ASCC3: variants seen among roughly 807,000 people sequenced by gnomAD.
The protein encoded by ASCC3 is ASC-1 complex subunit P200.
ASCC3 carries 158 observed loss-of-function variants against 256.3 expected under a neutral mutation model. The observed-to-expected ratio is 0.62, with a 90% CI of 0.54 to 0.70. The LOEUF is 0.70. Among genes scored for constraint, ASCC3 ranks in the 30% least tolerant of loss-of-function variants. The pLI is 0.00. For synonymous variants in ASCC3, 948 were observed against 883.4 expected, an observed-to-expected ratio of 1.07 and a Z score of -1.30; for missense variants, 2,259 against 2,626.0, an observed-to-expected ratio of 0.86 and a Z score of 3.05.
chr6:100,535,657 T>C (rs1196077095), intron 37 of ASCC3, among the ~76,000 whole-genome samples: 1 of 151,916 alleles, frequency 6.6e-6, no homozygotes, highest in Admixed American at 6.6e-5. Flanking sequence ...TTAGTAGAGA[T>C]GGGGTTTCAC....
rs1779969888 is a variant in ASCC3 at position 100,732,822 on chromosome 6, A to G, written c.1738-7119T>C. The stretch of plus-strand genomic sequence containing the variant: ...CGAGTAACTGCCACTGCCACAACCT[A>G]TACCTCAAGGTCCACATTACTAATA... On this transcript the variant is annotated intron_variant, in intron 10 of 41. Coordinates refer to ENST00000369162, the MANE Select transcript of ASCC3 (RefSeq NM_006828.4). 3.3e-5 allele frequency among the ~76,000 whole-genome samples: 5 copies of G among 152,250 alleles called. No homozygotes were observed. In the South Asian group the frequency reaches 6.2e-4, roughly 19 times the overall value.
At chr6:100,774,256 C>T (rs1417002699) in intron 8 of ASCC3, among the ~76,000 whole-genome samples, 1 of 152,120 alleles carries the variant, frequency 6.6e-6, no homozygotes, top group Non-Finnish European at 1.5e-5. Context: ...CTTCTGGGGA[C>T]AAGCAATCCT....
rs1021061726 is a variant in ASCC3, at chr6:100,629,960, T to G, written c.4209-779A>C. 1.3e-4 allele frequency among the ~76,000 whole-genome samples: 20 copies of G among 152,040 alleles called. 1 individual carries two copies. Among genetic ancestry groups the G allele is most frequent in the Admixed American group, 1.1e-3 (17 of 15,248 alleles). Reference sequence around the variant, plus strand: ...TCACCAAGGCTAGAGTGTAGTGGCTTGATCTCAGCTCACTGCAACCTCCAC... The same window carrying G: ...TCACCAAGGCTAGAGTGTAGTGGCTGGATCTCAGCTCACTGCAACCTCCAC... On this transcript the variant is annotated intron_variant, in intron 26 of 41. Coordinates refer to ENST00000369162, the MANE Select transcript of ASCC3 (RefSeq NM_006828.4).
intron 29 of ASCC3, among the ~76,000 whole-genome samples, chr6:100,627,168 A>G (rs2114857626): frequency 6.6e-6 from 1 of 152,246 alleles, no homozygotes; most frequent in South Asian, 2.1e-4. Context: ...CTGTTTGCCT[A>G]ATTTGTTAGA....
intron 13 of ASCC3, among the ~76,000 whole-genome samples, chr6:100,693,894 C>T (rs889832612): frequency 2.0e-5 from 3 of 151,980 alleles, no homozygotes; most frequent in South Asian, 2.1e-4. Flanking sequence ...AAGATTAAAG[C>T]GACTGAAGTG....
At chr6:100,645,358 T>A (rs1775328144) in intron 22 of ASCC3, among the ~76,000 whole-genome samples, 1 of 151,838 alleles carries the variant, frequency 6.6e-6, no homozygotes, top group African/African-American at 2.4e-5. Context: ...AACATTATTA[T>A]TATTATAATA....
intron 20 of ASCC3, among the ~76,000 whole-genome samples, chr6:100,649,951 T>C (rs939191640): frequency 6.6e-6 from 1 of 151,626 alleles, no homozygotes; most frequent in Non-Finnish European, 1.5e-5. Context: ...CATGGTATTT[T>C]TTAAAAGTTA....
intron 36 of ASCC3, among the ~76,000 whole-genome samples, chr6:100,578,887 C>G (rs1054048844): frequency 6.6e-6 from 1 of 151,884 alleles, no homozygotes; most frequent in African/African-American, 2.4e-5. Flanking sequence ...CTACCAGCAA[C>G]ATATTTTGAC....
rs890267529 is a variant in ASCC3 at position 100,846,915 on chromosome 6, G to A, written c.801+1233C>T. 6.5e-4 allele frequency among the ~76,000 whole-genome samples: 99 copies of A among 151,488 alleles called. 1 individual carries two copies. Among genetic ancestry groups the A allele is most frequent in the Non-Finnish European group, 1.2e-3 (82 of 67,820 alleles). On this transcript the variant is annotated intron_variant, in intron 4 of 41. Coordinates refer to ENST00000369162, the MANE Select transcript of ASCC3 (RefSeq NM_006828.4). ...CTCCTCCTGCTAGACAATTAATTCT[G>A]AGAACAAGTTTGCTATCTTATTCAT... is the stretch of plus-strand genomic sequence containing the variant.
chr6:100,823,477 C>A lies in ASCC3; in HGVS notation c.802-17597G>T, dbSNP rs561482635. On this transcript the variant is annotated intron_variant, in intron 4 of 41. Transcript: ENST00000369162. ...GAAAAGGCAAGTTTCACTATTCTGG[C>A]AATAAACTAAAGATATGAGATTTAA... 8.5e-5 allele frequency among the ~76,000 whole-genome samples: 13 copies of A among 152,208 alleles called. No individual in the cohort carries two copies. In the South Asian group the frequency reaches 1.9e-3, roughly 22 times the overall value.
At chr6:100,635,888 C>G (rs990995010) in intron 25 of ASCC3, among the ~76,000 whole-genome samples, 1 of 152,172 alleles carries the variant, frequency 6.6e-6, no homozygotes, top group East Asian at 1.9e-4. Flanking sequence ...AAAGCACTAG[C>G]ATTTTCTTCA....
chr6:100,784,376 C>T (rs532930336), intron 8 of ASCC3, among the ~76,000 whole-genome samples: 2 of 152,088 alleles, frequency 1.3e-5, no homozygotes, highest in Non-Finnish European at 1.5e-5. Flanking sequence ...TTTAACCTAA[C>T]TCCTAGACAA....
chr6:100,670,610 A>G (rs561095226), intron 14 of ASCC3, among the ~76,000 whole-genome samples: 44 of 127,860 alleles, frequency 3.4e-4, no homozygotes, highest in Non-Finnish European at 5.9e-4. Context: ...TCATCTGTGC[A>G]TGTTCAGAAC....
chr6:100,783,544 T>C lies in ASCC3; in HGVS notation c.1395+15169A>G, dbSNP rs80270926. On this transcript the variant is annotated intron_variant, in intron 8 of 41. Coordinates refer to ENST00000369162, the MANE Select transcript of ASCC3 (RefSeq NM_006828.4). ...GTGGTCTGTCCTCAAGAGCTCACAT[T>C]GCAGCAGATGAATCTAGACTACCAG... Among the ~76,000 whole-genome samples, 910 of 152,310 alleles carry C rather than the reference T, an allele frequency of 6.0e-3. 8 individuals are homozygous for C. Among genetic ancestry groups the C allele is most frequent in the African/African-American group, 0.021 (878 of 41,576 alleles).
intron 4 of ASCC3, among the ~76,000 whole-genome samples, chr6:100,815,930 C>T (rs898753998): frequency 1.3e-5 from 2 of 151,692 alleles, no homozygotes; most frequent in African/African-American, 2.4e-5. Context: ...ATTAAAAGAG[C>T]GAGCTTCTGT....
chr6:100,799,519 T>A lies in ASCC3; in HGVS notation c.1181A>T (p.Asp394Val), dbSNP rs1002440713. The change falls in exon 7 of 42, where the codon GAT becomes GTT. Residue 394 changes from aspartate (D) to valine (V), a missense_variant. Asp to Val is a radical substitution (Grantham distance 152). Transcript: ENST00000369162. ...RSVPILSRQRDADVEKIHYPH... is the reference protein window; with the variant it reads ...RSVPILSRQRVADVEKIHYPH... The stretch of plus-strand genomic sequence containing the variant: ...ATAATGTATTTTTTCAACGTCTGCA[T>A]CTCTCTGCCTGCTCAGAATTGGAAC... 3 of 1,613,054 alleles carry A rather than the reference T, an allele frequency of 1.9e-6. No individual in the cohort carries two copies. The highest frequency in any genetic ancestry group is 2.5e-6 in the Non-Finnish European group (3 of 1,179,474).
chr6:100,617,144 A>G (rs1157758284), intron 30 of ASCC3, among the ~76,000 whole-genome samples: 2 of 152,104 alleles, frequency 1.3e-5, no homozygotes, highest in African/African-American at 4.8e-5. Flanking sequence ...AGCTGGGATT[A>G]CAGGCACATG....
In ASCC3 at chr6:100,587,217, C is replaced by T. The variant is rs9373530; in HGVS notation, c.5550+2417G>A. Among the ~76,000 whole-genome samples, 26 of 151,832 alleles carry T rather than the reference C, an allele frequency of 1.7e-4. No homozygotes were observed. In the East Asian group the frequency reaches 3.9e-3, roughly 23 times the overall value. On this transcript the variant is annotated intron_variant, in intron 36 of 41. Coordinates refer to ENST00000369162, the MANE Select transcript of ASCC3 (RefSeq NM_006828.4). ...CTACACTTTCTCCTTAGTTTAAAAC[C>T]ACAATGAGATTAATATGCATTTTTG...
chr6:100,554,824 A>T (rs909031107), intron 36 of ASCC3, among the ~76,000 whole-genome samples: 3 of 152,102 alleles, frequency 2.0e-5, no homozygotes, highest in Non-Finnish European at 1.5e-5. Context: ...GATAAAAAAA[A>T]TGCCTTATAT....
Sources: gnomAD v4.1 joint callset for allele counts (sites outside exome capture counted in the v4.1 genomes callset) on GRCh38, gnomAD v4.1.1 for gene constraint, MANE v1.5 for transcripts, NCBI Gene and HGNC (gene_info 2026-07-23, HGNC 2026-07-21) for gene names.